Variants in KCNMB2 observed in about 807,000 individuals in gnomAD.
KCNMB2 encodes calcium-activated potassium channel subunit beta-2.
Under a neutral mutation model 24.5 loss-of-function variants are expected in KCNMB2, and 9 were observed. That is an observed-to-expected ratio of 0.37 (90% CI 0.22 to 0.64). KCNMB2 has a LOEUF of 0.64. KCNMB2 is among the 30% of genes least tolerant of loss of function. The pLI is 0.63. For synonymous variants in KCNMB2, 109 were observed against 104.4 expected (o/e 1.04, Z -0.27); for missense variants, 226 against 284.3 (o/e 0.79, Z 1.47).
At chr3:178,711,442 G>A (rs1440371298) in intron 1 of KCNMB2, among the ~76,000 whole-genome samples, 1 of 152,072 alleles carries the variant, frequency 6.6e-6, no homozygotes, top group Non-Finnish European at 1.5e-5. Flanking sequence ...TATAGCTCCA[G>A]ACAATCATTG....
At chr3:178,740,917 A>G (rs895331547) in intron 1 of KCNMB2, among the ~76,000 whole-genome samples, 3 of 152,200 alleles carry the variant, frequency 2.0e-5, no homozygotes, top group South Asian at 4.1e-4. Flanking sequence ...AATTTCCTGA[A>G]CAGCAGACCT....
intron 1 of KCNMB2, among the ~76,000 whole-genome samples, chr3:178,584,166 T>C (rs1560118792): frequency 6.6e-6 from 1 of 152,252 alleles, no homozygotes; most frequent in East Asian, 1.9e-4. Flanking sequence ...GGATAGCTCA[T>C]GCATCTGGGT....
intron 1 of KCNMB2, among the ~76,000 whole-genome samples, chr3:178,793,779 G>A (rs1713423533): frequency 6.6e-6 from 1 of 152,114 alleles, no homozygotes. Flanking sequence ...ACCAGCAGGT[G>A]ACTCTTCCCA....
At chr3:178,635,623 CA>C (rs1179943163) in intron 1 of KCNMB2, among the ~76,000 whole-genome samples, 1 of 152,214 alleles carries the variant, frequency 6.6e-6, no homozygotes, top group Middle Eastern at 3.2e-3. Context: ...ACTTGCTCTG[CA>C]ACTCTGCCCG....
At chr3:178,597,704 G>A (rs1044339314) in intron 1 of KCNMB2, among the ~76,000 whole-genome samples, 1 of 152,108 alleles carries the variant, frequency 6.6e-6, no homozygotes, top group African/African-American at 2.4e-5. Flanking sequence ...CACAATGTCA[G>A]TAATTTCACA....
intron 1 of KCNMB2, among the ~76,000 whole-genome samples, chr3:178,628,103 A>T (rs1467076506): frequency 2.0e-5 from 3 of 152,200 alleles, no homozygotes; most frequent in Non-Finnish European, 4.4e-5. Flanking sequence ...TATACTCATA[A>T]ACAAACTTCT....
intron 1 of KCNMB2, among the ~76,000 whole-genome samples, chr3:178,640,402 C>G (rs1270566291): frequency 6.6e-6 from 1 of 152,082 alleles, no homozygotes; most frequent in Non-Finnish European, 1.5e-5. Context: ...GTGCTACACA[C>G]TTTTAAACAA....
At chr3:178,750,276 A>C (rs1723799770) in intron 1 of KCNMB2, among the ~76,000 whole-genome samples, 1 of 152,038 alleles carries the variant, frequency 6.6e-6, no homozygotes, top group Non-Finnish European at 1.5e-5. Flanking sequence ...AAGGAAAAGA[A>C]AAGGAAGTAA....
chr3:178,713,163 G>A (rs954394397), intron 1 of KCNMB2, among the ~76,000 whole-genome samples: 1 of 152,172 alleles, frequency 6.6e-6, no homozygotes, highest in Non-Finnish European at 1.5e-5. Flanking sequence ...TTACTGTAAG[G>A]ACTGAGAAAG....
chr3:178,594,626 T>C (rs138376664), intron 1 of KCNMB2, among the ~76,000 whole-genome samples: 1 of 152,228 alleles, frequency 6.6e-6, no homozygotes, highest in African/African-American at 2.4e-5. Context: ...GAGATGCTTA[T>C]TAGACACTCA....
chr3:178,839,064 T>C (rs1213303042), intron 4 of KCNMB2, among the ~76,000 whole-genome samples: 2 of 152,146 alleles, frequency 1.3e-5, no homozygotes, highest in Non-Finnish European at 2.9e-5. Context: ...GTTAATCATT[T>C]GATTACATAA....
At chr3:178,769,146 T>C (rs145850053) in intron 1 of KCNMB2, among the ~76,000 whole-genome samples, 9 of 152,360 alleles carry the variant, frequency 5.9e-5, no homozygotes, top group Non-Finnish European at 1.0e-4. Context: ...TTGATCAATT[T>C]AGCTTTTCAC....
intron 1 of KCNMB2, among the ~76,000 whole-genome samples, chr3:178,576,092 C>T (rs1053683380): frequency 2.6e-5 from 4 of 152,016 alleles, no homozygotes; most frequent in African/African-American, 7.2e-5. Context: ...TCTGCAGCTT[C>T]CAGCAAGATC....
At chr3:178,582,172 T>C (rs997830877) in intron 1 of KCNMB2, among the ~76,000 whole-genome samples, 3 of 152,220 alleles carry the variant, frequency 2.0e-5, no homozygotes, top group Non-Finnish European at 2.9e-5. Context: ...CATTGAATAC[T>C]ATGCAACCAT....
chr3:178,575,626 T>TAC (rs1716962000), intron 1 of KCNMB2, among the ~76,000 whole-genome samples: 1 of 152,168 alleles, frequency 6.6e-6, no homozygotes, highest in Non-Finnish European at 1.5e-5. Flanking sequence ...TTTATATAGA[T>TAC]ACACAGGATC....
rs544763565 is a variant in KCNMB2, at chr3:178,754,417, C to T, written c.-67-52926C>T. 1.1e-4 allele frequency among the ~76,000 whole-genome samples: 16 copies of T among 152,148 alleles called. No individual in the cohort carries two copies. In the East Asian group the frequency reaches 3.1e-3, roughly 29 times the overall value. On this transcript the variant is annotated intron_variant, in intron 1 of 4. Coordinates refer to ENST00000452583, the MANE Select transcript of KCNMB2 (RefSeq NM_181361.3). ...CTCACTACTCCACCCCCAACTACCA[C>T]TGAAGTACTTAGAATAGTAGCCAGA... is the stretch of plus-strand genomic sequence containing the variant.
intron 1 of KCNMB2, among the ~76,000 whole-genome samples, chr3:178,799,137 T>C (rs1361387159): frequency 6.6e-6 from 1 of 152,130 alleles, no homozygotes. Context: ...GGATGCCTAC[T>C]TTCACCACTG....
At chr3:178,714,959 A>T (rs1722571796) in intron 1 of KCNMB2, among the ~76,000 whole-genome samples, 1 of 152,190 alleles carries the variant, frequency 6.6e-6, no homozygotes, top group Non-Finnish European at 1.5e-5. Flanking sequence ...CTGAATATGA[A>T]ATTCTATATG....
intron 1 of KCNMB2, among the ~76,000 whole-genome samples, chr3:178,737,305 C>CAT (rs1266983152): frequency 6.6e-6 from 1 of 151,906 alleles, no homozygotes; most frequent in African/African-American, 2.4e-5. Flanking sequence ...ATTTTAGTTC[C>CAT]ATCTCTTCCC....
Sources: allele counts gnomAD v4.1 joint callset (sites outside exome capture counted in the v4.1 genomes callset), GRCh38; gene constraint gnomAD v4.1.1; transcripts MANE v1.5; gene names NCBI Gene and HGNC (gene_info 2026-07-23, HGNC 2026-07-21).